CRAT: variants seen among roughly 807,000 people sequenced by gnomAD.
CRAT encodes carnitine acetylase.
A neutral mutation model predicts 73.7 loss-of-function variants in CRAT; 66 were observed. The ratio of observed to expected loss-of-function variants is 0.90; its 90% CI spans 0.73 to 1.10. The LOEUF (loss-of-function observed/expected upper bound fraction) is 1.10. Ranked by LOEUF, CRAT falls within the 50% of genes least tolerant of loss-of-function variation. The pLI is 0.00. For missense variants in CRAT, 745 were observed against 846.9 expected (o/e 0.88, Z 1.49); for synonymous variants, 321 against 343.2 (o/e 0.94, Z 0.71).
At position 129,101,868 on chromosome 9, in the gene CRAT, G is replaced by A. The variant is rs190368307; in HGVS notation, c.805+15C>T. 3.0e-5 allele frequency: 48 copies of A among 1,612,006 alleles called. No individual in the cohort carries two copies. The African/African-American group carries it at 6.0e-4, about 20-fold the overall frequency. On this transcript the variant is annotated intron_variant, in intron 6 of 13. Coordinates refer to ENST00000318080, the MANE Select transcript of CRAT (RefSeq NM_000755.5). ...GGCCTGGGTGTGCAGCCCCAGCACG[G>A]CCCCCAAGAGGCACCTTTGATGAGG...
Position 129,104,250 on chromosome 9 carries a change from G to A in CRAT, c.348C>T (p.Ile116=). The A allele has an allele frequency of 6.2e-7, 1 of 1,613,706 alleles. No homozygotes were observed. The highest frequency in any genetic ancestry group is 8.5e-7 in the Non-Finnish European group (1 of 1,179,854). The change falls in exon 3 of 14, where the codon ATC becomes ATT. Residue 116 remains isoleucine (I), a synonymous_variant. Coordinates refer to ENST00000318080, the MANE Select transcript of CRAT (RefSeq NM_000755.5). The part of the protein sequence containing the change: ...AYLQYRQPVV[I]YSSPGVMLPK... Reference sequence around the variant, plus strand: ...GTAGCATCACGCCTGGGCTCGAGTAGATGACCACAGGCTGGCGGTACTGGA... The same window carrying A: ...GTAGCATCACGCCTGGGCTCGAGTAAATGACCACAGGCTGGCGGTACTGGA...
At chr9:129,097,817 A>G in intron 11 of CRAT, 196 bp downstream of exon 11, 1 of 733,344 alleles carries the variant, frequency 1.4e-6, no homozygotes, top group Non-Finnish European at 2.2e-6. Context: ...AAATGAATGA[A>G]CAAATGAATG....
At chr9:129,098,415 C>G (rs758296270) in intron 9 of CRAT, 44 bp from the exon 10 acceptor site, 14 of 1,607,794 alleles carry the variant, frequency 8.7e-6, no homozygotes, top group Non-Finnish European at 1.2e-5. Context: ...CCCCGGCAGC[C>G]CCTGCCAACC....
Position 129,110,430 on chromosome 9 carries a change from A to T in CRAT, c.27+53T>A, listed in dbSNP as rs1473323862. The T allele has an allele frequency of 2.0e-6, 3 of 1,512,066 alleles. No individual in the cohort carries two copies. Among genetic ancestry groups the T allele is most frequent in the Non-Finnish European group, 2.6e-6 (3 of 1,137,346 alleles). 93.7% of individuals were successfully genotyped at this position (1,512,066 alleles called of 1,614,324 possible). On this transcript the variant is annotated intron_variant, in intron 1 of 13. Transcript: ENST00000318080. This position sits in a 1 kb window ranked among gnomAD's most constrained non-coding sequence, Gnocchi z 5.3. ...GGTCTCCGTTCCCGGACGCAACCGCACGGCCCGCCCAGGCCGTCCAGGGCC... is the reference window on the plus strand; with the variant it reads ...GGTCTCCGTTCCCGGACGCAACCGCTCGGCCCGCCCAGGCCGTCCAGGGCC...
chr9:129,105,406 C>G (rs935002385), intron 2 of CRAT, among the ~76,000 whole-genome samples: 2 of 152,094 alleles, frequency 1.3e-5, no homozygotes, highest in African/African-American at 4.8e-5. Flanking sequence ...CTGCAACCTC[C>G]ACCTCCTGCA....
intron 2 of CRAT, among the ~76,000 whole-genome samples, chr9:129,105,498 T>G (rs114424120): frequency 0.039 from 5,910 of 152,088 alleles, 388 homozygotes; most frequent in African/African-American, 0.14. Flanking sequence ...TTTTTGTATT[T>G]TTTGCTGCAG....
rs1240914909 is a variant in CRAT, at chr9:129,106,074, G to A, written c.291+1740C>T. On this transcript the variant is annotated intron_variant, in intron 2 of 13. Transcript: ENST00000318080. This position sits in a 1 kb window ranked among gnomAD's most constrained non-coding sequence, Gnocchi z 4.0. ...CCCGTGGTGAACAGCAGCAGGATGC[G>A]CCTCTTCATCACACGCACTCCCCTG... 6.6e-6 allele frequency among the ~76,000 whole-genome samples: 1 copy of A among 152,122 alleles called. No individual in the cohort carries two copies. Among genetic ancestry groups the A allele is most frequent in the Admixed American group, 6.5e-5 (1 of 15,276 alleles).
Position 129,100,690 on chromosome 9 carries a change from C to G in CRAT, c.806-1G>C. 6.2e-7 allele frequency: 1 copy of G among 1,612,518 alleles called. No homozygotes were observed. The highest frequency in any genetic ancestry group is 8.5e-7 in the Non-Finnish European group (1 of 1,178,988). ...CGCACGGAATCCCGGTTCACCTTGT[C>G]TGCAGGTGGCATGGGGCGGGGAGAC... On this transcript the variant is annotated splice_acceptor_variant, in intron 6 of 13. Coordinates refer to ENST00000318080, the MANE Select transcript of CRAT (RefSeq NM_000755.5). LOFTEE classifies it high-confidence loss of function.
intron 13 of CRAT, 41 bp downstream of exon 13, chr9:129,095,956 TC>T: frequency 6.2e-7 from 1 of 1,612,784 alleles, no homozygotes; most frequent in Non-Finnish European, 8.5e-7. Flanking sequence ...ACCAGTGGGT[TC>T]TCTGCCTCCA....
At chr9:129,109,152 C>T in intron 1 of CRAT, 3 of 1,304,030 alleles carry the variant, frequency 2.3e-6, no homozygotes, top group Non-Finnish European at 3.0e-6. Flanking sequence ...GCCAGGGAGT[C>T]AGGACAAAAG....
chr9:129,108,059 G>A lies in CRAT; in HGVS notation c.46C>T (p.Leu16=). 6.5e-7 allele frequency: 1 copy of A among 1,527,364 alleles called. No homozygotes were observed. Among genetic ancestry groups the A allele is most frequent in the Middle Eastern group, 1.8e-4 (1 of 5,448 alleles). The allele number at this position is 1,527,364 out of a possible 1,614,324, so 94.6% of individuals were successfully genotyped here. The change falls in exon 2 of 14, where the codon CTG becomes TTG. Residue 16 remains leucine (L), a synonymous_variant. Coordinates refer to ENST00000318080, the MANE Select transcript of CRAT (RefSeq NM_000755.5). ...GCCTTCATCAAGGAGAAGGGCTTCA[G>A]GAAGCCCAGAGGCTTCACCTGCAGG... ...ARTVVKPLGF[L]KPFSLMKASS... is the part of the protein sequence containing the mutation.
intron 1 of CRAT, among the ~76,000 whole-genome samples, chr9:129,109,558 A>G (rs1848253094): frequency 1.3e-5 from 2 of 152,216 alleles, no homozygotes; most frequent in South Asian, 4.1e-4. Context: ...TCCTTGCCTC[A>G]GTTTCCCTGC....
At position 129,095,010 on chromosome 9, in the gene CRAT, T is replaced by G; in HGVS notation, c.*387A>C. On this transcript the variant is annotated 3_prime_UTR_variant, in exon 14 of 14. Coordinates refer to ENST00000318080, the MANE Select transcript of CRAT (RefSeq NM_000755.5). ...GGGAGTTTGGGAAGCAGGGTACAGA[T>G]GGTGGCCTGGTCATGGAGTTGGCAG... is the stretch of plus-strand genomic sequence containing the variant. 1 of 259,222 alleles carries G rather than the reference T, an allele frequency of 3.9e-6. No individual in the cohort carries two copies. The allele number at this position is 259,222 out of a possible 1,614,324, so 16.1% of individuals were successfully genotyped here. A position where few individuals can be genotyped will look rare whatever the true frequency, so the allele number is the denominator to read the frequency against.
At position 129,100,689 on chromosome 9, in the gene CRAT, T is replaced by A. The variant is rs1332772551; in HGVS notation, c.806A>T (p.Asp269Val). ...GCGCACGGAATCCCGGTTCACCTTGTCTGCAGGTGGCATGGGGCGGGGAGA... is the reference window on the plus strand; with the variant it reads ...GCGCACGGAATCCCGGTTCACCTTGACTGCAGGTGGCATGGGGCGGGGAGA... ...WAKAYNTLIK[D>V]KVNRDSVRSI... is the part of the protein sequence containing the mutation. Residue 269 changes from aspartate to valine, a missense_variant and splice_region_variant, in exon 7 of 14, where the codon GAC becomes GTC. Physicochemically the swap from Asp to Val is radical, Grantham distance 152. Transcript: ENST00000318080. 6.2e-7 allele frequency: 1 copy of A among 1,612,724 alleles called. No homozygotes were observed.
chr9:129,098,825 T>C (rs1365008727), intron 8 of CRAT, among the ~76,000 whole-genome samples, 175 bp from the exon 9 acceptor site: 2 of 150,444 alleles, frequency 1.3e-5, no homozygotes, highest in Admixed American at 1.3e-4. Flanking sequence ...TCTTTTTTTT[T>C]TTTTTTTAGA....
rs140551503 is a variant in CRAT at position 129,098,283 on chromosome 9, A to G, written c.1294T>C (p.Phe432Leu). ...GCCAGCTGCAAAGCCATCTGGATGA[A>G]GGCATCTGGGCTTAGCTTCTCCGAC... ...PKSEKLSPDA[F>L]IQMALQLAYY... Residue 432 changes from phenylalanine (F) to leucine (L), a missense_variant, in exon 10 of 14, where the codon TTC becomes CTC. Transcript: ENST00000318080. 1.1e-3 allele frequency: 1,733 copies of G among 1,614,012 alleles called. 3 individuals are homozygous for G. The highest frequency in any genetic ancestry group is 1.4e-3 in the Non-Finnish European group (1,662 of 1,180,034).
intron 1 of CRAT, chr9:129,108,716 G>A: frequency 1.5e-6 from 2 of 1,303,188 alleles, no homozygotes; most frequent in Non-Finnish European, 2.0e-6. Flanking sequence ...AGGGCCCGAG[G>A]CTGCTCTTGC....
intron 11 of CRAT, 177 bp downstream of exon 11, chr9:129,097,836 T>A (rs1182145365): frequency 2.3e-6 from 2 of 860,096 alleles, no homozygotes; most frequent in East Asian, 5.1e-5. Flanking sequence ...TGACTCCCTT[T>A]TCCTCTTTGG....
chr9:129,106,797 G>A lies in CRAT; in HGVS notation c.291+1017C>T, dbSNP rs150785350. 3.9e-5 allele frequency among the ~76,000 whole-genome samples: 6 copies of A among 152,024 alleles called. No individual in the cohort carries two copies. Among genetic ancestry groups the A allele is most frequent in the African/African-American group, 7.2e-5 (3 of 41,420 alleles). ...CACAGCATTTCCCAGGGCCGGACCC[G>A]CTCTGGCTCTCCCACAGGTAGCTTC... On this transcript the variant is annotated intron_variant, in intron 2 of 13. Transcript: ENST00000318080. This position sits in a 1 kb window ranked among gnomAD's most constrained non-coding sequence, Gnocchi z 4.0.
Sources: gnomAD v4.1 joint callset for allele counts (sites outside exome capture counted in the v4.1 genomes callset) on GRCh38, gnomAD v4.1.1 for gene constraint, Gnocchi (gnomAD v3.1) non-coding constraint, MANE v1.5 for transcripts, NCBI Gene and HGNC (gene_info 2026-07-23, HGNC 2026-07-21) for gene names.